Variants in TAFA2 observed in about 807,000 individuals in gnomAD.
TAFA2 encodes the protein chemokine-like protein TAFA-2.
Under a neutral mutation model 18.8 loss-of-function variants are expected in TAFA2, and 7 were observed. The ratio of observed to expected loss-of-function variants is 0.37; its 90% CI spans 0.21 to 0.70. TAFA2 has a LOEUF of 0.70. Among genes scored for constraint, TAFA2 ranks in the 30% least tolerant of loss-of-function variants. The pLI is 0.53. For missense variants in TAFA2, 122 were observed against 158.1 expected (o/e 0.77, Z 1.23); for synonymous variants, 60 against 54.2 (o/e 1.11, Z -0.47).
At chr12:62,230,594 T>C (rs1230025208) in intron 1 of TAFA2, among the ~76,000 whole-genome samples, 2 of 152,232 alleles carry the variant, frequency 1.3e-5, no homozygotes, top group Non-Finnish European at 2.9e-5. Flanking sequence ...ATTTAGACTT[T>C]TTTGAATTTG....
At chr12:61,750,899 A>G (rs182869391) in intron 4 of TAFA2, among the ~76,000 whole-genome samples, 12 of 152,256 alleles carry the variant, frequency 7.9e-5, no homozygotes, top group African/African-American at 2.9e-4. Flanking sequence ...CTATTCCTAC[A>G]TAACTTCTGG....
intron 1 of TAFA2, chr12:62,253,577 GA>G (rs2062924888): frequency 6.6e-6 from 1 of 152,116 alleles, no homozygotes; most frequent in Non-Finnish European, 1.5e-5. Context: ...TTCTAAATTC[GA>G]GAAGCCTTCC....
intron 1 of TAFA2, among the ~76,000 whole-genome samples, chr12:62,011,349 C>CTGTCG (rs1412368131): frequency 3.3e-5 from 5 of 152,070 alleles, no homozygotes; most frequent in Non-Finnish European, 1.5e-5. Flanking sequence ...CAGATTGTTA[C>CTGTCG]TGTGTCTGTG....
intron 1 of TAFA2, among the ~76,000 whole-genome samples, chr12:62,148,333 G>T (rs764571394): frequency 3.3e-5 from 5 of 152,098 alleles, no homozygotes; most frequent in African/African-American, 1.2e-4. Flanking sequence ...AGAAAATGTG[G>T]CATATATACA....
intron 1 of TAFA2, 56 bp from the exon 2 acceptor site, chr12:61,867,482 T>C: frequency 9.3e-7 from 1 of 1,074,996 alleles, no homozygotes; most frequent in Non-Finnish European, 1.4e-6. Flanking sequence ...GCTTTTCCCT[T>C]ATGATTGTGC....
intron 1 of TAFA2, among the ~76,000 whole-genome samples, chr12:62,187,737 C>G (rs991802777): frequency 6.6e-6 from 1 of 152,024 alleles, no homozygotes; most frequent in African/African-American, 2.4e-5. Flanking sequence ...AGTCAGTGGC[C>G]AATGACAATT....
intron 4 of TAFA2, among the ~76,000 whole-genome samples, chr12:61,718,070 T>C (rs1392657726): frequency 6.6e-6 from 1 of 152,210 alleles, no homozygotes; most frequent in Non-Finnish European, 1.5e-5. Context: ...GCCTAATCAT[T>C]ATATCAGAAT....
chr12:61,983,085 C>T (rs188335992), intron 1 of TAFA2, among the ~76,000 whole-genome samples: 14 of 152,164 alleles, frequency 9.2e-5, no homozygotes, highest in Admixed American at 6.5e-4. Context: ...ATAAAACATG[C>T]TATGGTTTAA....
At chr12:61,711,747 G>A (rs1869417839) in intron 4 of TAFA2, among the ~76,000 whole-genome samples, 1 of 151,886 alleles carries the variant, frequency 6.6e-6, no homozygotes, top group Admixed American at 6.6e-5. Flanking sequence ...CACTCCCAAG[G>A]AAGGAGTTCT....
At chr12:62,113,819 C>T (rs998720653) in intron 1 of TAFA2, among the ~76,000 whole-genome samples, 1 of 152,198 alleles carries the variant, frequency 6.6e-6, no homozygotes, top group African/African-American at 2.4e-5. Flanking sequence ...ACTCAAGCCT[C>T]AGTAGTGCTG....
chr12:62,030,592 C>T (rs750108280), intron 1 of TAFA2, among the ~76,000 whole-genome samples: 3 of 152,142 alleles, frequency 2.0e-5, no homozygotes, highest in Non-Finnish European at 4.4e-5. Context: ...AAAACAGCCA[C>T]CTCTTGTCAG....
chr12:62,165,146 A>T (rs1256204356), intron 1 of TAFA2, among the ~76,000 whole-genome samples: 1 of 152,132 alleles, frequency 6.6e-6, no homozygotes, highest in Non-Finnish European at 1.5e-5. Flanking sequence ...AAACCTTCTC[A>T]GTGGCTATTC....
At chr12:62,078,587 G>A (rs1398365452) in intron 1 of TAFA2, among the ~76,000 whole-genome samples, 2 of 152,106 alleles carry the variant, frequency 1.3e-5, no homozygotes, top group Non-Finnish European at 2.9e-5. Context: ...AAAGAAGCAT[G>A]TTATCAGACT....
chr12:62,059,508 G>A (rs1882288375), intron 1 of TAFA2, among the ~76,000 whole-genome samples: 1 of 151,956 alleles, frequency 6.6e-6, no homozygotes, highest in Non-Finnish European at 1.5e-5. Context: ...AAAGTAAAGT[G>A]TGGTAAGAGA....
chr12:61,804,570 T>C (rs914198761), intron 2 of TAFA2, among the ~76,000 whole-genome samples: 2 of 152,054 alleles, frequency 1.3e-5, no homozygotes, highest in Non-Finnish European at 2.9e-5. Context: ...CTTCATTTTG[T>C]ATTACAATGA....
rs541318732 is a variant in TAFA2 at position 62,033,102 on chromosome 12, C to G, written c.-2+158157G>C. 2.6e-5 allele frequency among the ~76,000 whole-genome samples: 4 copies of G among 152,252 alleles called. No individual in the cohort carries two copies. In the South Asian group the frequency reaches 8.3e-4, roughly 32 times the overall value. On this transcript the variant is annotated intron_variant, in intron 1 of 4. Transcript: ENST00000416284. ...TCAGACTAGCACCTGGGAAGTTATT[C>G]CACCCTGTCCAGGGAGCAGAATGAC...
At chr12:61,828,706 T>C (rs1872610845) in intron 2 of TAFA2, among the ~76,000 whole-genome samples, 1 of 151,878 alleles carries the variant, frequency 6.6e-6, no homozygotes, top group Non-Finnish European at 1.5e-5. Flanking sequence ...AACTGTTATC[T>C]TGACCAATAC....
rs559038131 is a variant in TAFA2, at chr12:61,807,469, G to T, written c.107-52445C>A. ...TGGAGAACCTCTGCTAGGGCAGTGT[G>T]GGAGGGAAACATGAGGTCAGAACCC... On this transcript the variant is annotated intron_variant, in intron 2 of 4. Transcript: ENST00000416284. Among the ~76,000 whole-genome samples the T allele has an allele frequency of 2.6e-5, 4 of 151,406 alleles. 1 individual carries two copies. The highest frequency in any genetic ancestry group is 9.8e-5 in the African/African-American group (4 of 40,686).
intron 1 of TAFA2, among the ~76,000 whole-genome samples, chr12:62,013,043 A>G (rs774986330): frequency 5.3e-5 from 8 of 152,192 alleles, no homozygotes; most frequent in Non-Finnish European, 5.9e-5. Flanking sequence ...AAAGATTACA[A>G]GGGGAGCATT....
Sources: allele counts gnomAD v4.1 joint callset (sites outside exome capture counted in the v4.1 genomes callset), GRCh38; gene constraint gnomAD v4.1.1; transcripts MANE v1.5; gene names NCBI Gene and HGNC (gene_info 2026-07-23, HGNC 2026-07-21).